Variants in GRM5 observed in about 807,000 individuals in gnomAD.
GRM5 encodes metabotropic glutamate receptor 5.
In GRM5, 19 loss-of-function variants were observed where a neutral mutation model predicts 83.1. The ratio of observed to expected loss-of-function variants is 0.23; its 90% confidence interval spans 0.16 to 0.34. The LOEUF is 0.34. GRM5 is among the 10% of genes least tolerant of loss of function. GRM5 has a pLI of 1.00. For missense variants in GRM5, 1,160 were observed against 1,588.3 expected, an observed-to-expected ratio of 0.73 and a Z score of 4.58; for synonymous variants, 675 against 633.6, an observed-to-expected ratio of 1.07 and a Z score of -0.98.
chr11:88,753,456 A>G (rs1362466762), intron 3 of GRM5, among the ~76,000 whole-genome samples: 1 of 151,850 alleles, frequency 6.6e-6, no homozygotes, highest in African/African-American at 2.4e-5. Flanking sequence ...ATAACAGATG[A>G]TGGCGAGATC....
chr11:88,894,600 G>T (rs1393175577), intron 2 of GRM5, among the ~76,000 whole-genome samples: 9 of 151,814 alleles, frequency 5.9e-5, no homozygotes, highest in Non-Finnish European at 1.0e-4. Context: ...ACTTTTTTCT[G>T]GCTGTGTGCT....
At chr11:88,985,625 T>A (rs2135032402) in intron 2 of GRM5, among the ~76,000 whole-genome samples, 1 of 152,256 alleles carries the variant, frequency 6.6e-6, no homozygotes, top group East Asian at 1.9e-4. Context: ...CATATTAAGT[T>A]TAAATTCAGC....
At chr11:88,982,938 C>T (rs372171008) in intron 2 of GRM5, among the ~76,000 whole-genome samples, 56 of 152,256 alleles carry the variant, frequency 3.7e-4, no homozygotes, top group African/African-American at 8.7e-4. Context: ...TGATGGCACA[C>T]GCCTGTAATC....
At position 88,737,554 on chromosome 11, in the gene GRM5, A is replaced by G. The variant is rs139691468; in HGVS notation, c.912-84151T>C. Among the ~76,000 whole-genome samples, 511 of 152,240 alleles carry G rather than the reference A, an allele frequency of 3.4e-3. 6 individuals are homozygous for G. Among genetic ancestry groups the G allele is most frequent in the African/African-American group, 0.012 (489 of 41,576 alleles). On this transcript the variant is annotated intron_variant, in intron 3 of 9. Transcript: ENST00000305447. ...AATGCTTATGAATGGAACAATAATT[A>G]CTGATTTTTTTGAAGCCCAAGTATA...
chr11:89,055,694 A>C (rs1941859185), intron 1 of GRM5, among the ~76,000 whole-genome samples: 1 of 151,802 alleles, frequency 6.6e-6, no homozygotes, highest in African/African-American at 2.4e-5. Context: ...ATTTAAATAA[A>C]ATTTTAATAT....
At chr11:89,058,606 A>G (rs1020890691) in intron 1 of GRM5, among the ~76,000 whole-genome samples, 1 of 152,192 alleles carries the variant, frequency 6.6e-6, no homozygotes, top group Admixed American at 6.5e-5. Flanking sequence ...AGACGGTTGA[A>G]ATAGGCTTGC....
At chr11:88,924,487 T>A (rs1244374737) in intron 2 of GRM5, among the ~76,000 whole-genome samples, 6 of 152,008 alleles carry the variant, frequency 3.9e-5, no homozygotes, top group Non-Finnish European at 8.8e-5. Flanking sequence ...AAGAAGGCAA[T>A]CCTGCCATTT....
At chr11:88,965,418 T>C (rs1414770977) in intron 2 of GRM5, among the ~76,000 whole-genome samples, 1 of 152,152 alleles carries the variant, frequency 6.6e-6, no homozygotes. Context: ...GCTCATGACC[T>C]AATTTCCTTC....
At chr11:88,845,410 A>G (rs1944282084) in intron 3 of GRM5, among the ~76,000 whole-genome samples, 1 of 147,464 alleles carries the variant, frequency 6.8e-6, no homozygotes, top group African/African-American at 2.6e-5. Flanking sequence ...GCTACAGTAC[A>G]GTATAAACAT....
intron 3 of GRM5, among the ~76,000 whole-genome samples, chr11:88,730,549 C>T (rs559200107): frequency 6.6e-6 from 1 of 152,198 alleles, no homozygotes; most frequent in Non-Finnish European, 1.5e-5. Flanking sequence ...AATCATTCTA[C>T]TGTAAAGACA....
chr11:88,930,525 C>T (rs1277014071), intron 2 of GRM5, among the ~76,000 whole-genome samples: 1 of 152,008 alleles, frequency 6.6e-6, no homozygotes, highest in Non-Finnish European at 1.5e-5. Flanking sequence ...ATATTGCCAA[C>T]TTCTTTGTTT....
At chr11:88,840,856 C>T (rs1241708551) in intron 3 of GRM5, among the ~76,000 whole-genome samples, 5 of 152,114 alleles carry the variant, frequency 3.3e-5, no homozygotes, top group African/African-American at 1.2e-4. Flanking sequence ...AGGCATTGCT[C>T]AATAGCAAAG....
At chr11:88,860,783 T>A (rs911315833) in intron 2 of GRM5, among the ~76,000 whole-genome samples, 3 of 152,164 alleles carry the variant, frequency 2.0e-5, no homozygotes, top group African/African-American at 7.2e-5. Flanking sequence ...AAATGTAGTA[T>A]AATGGCTGCA....
chr11:88,814,363 T>A (rs1370845158), intron 3 of GRM5, among the ~76,000 whole-genome samples: 5 of 152,134 alleles, frequency 3.3e-5, no homozygotes, highest in Non-Finnish European at 7.4e-5. Flanking sequence ...TTTGGGTATT[T>A]AGCAAATAAT....
intron 4 of GRM5, among the ~76,000 whole-genome samples, chr11:88,626,022 A>AT (rs35586049): frequency 4.0e-4 from 60 of 150,408 alleles, no homozygotes; most frequent in Non-Finnish European, 6.7e-4. Flanking sequence ...TGACTAGCTT[A>AT]TTTTTTTTTT....
At chr11:88,986,604 C>A (rs1939719834) in intron 2 of GRM5, among the ~76,000 whole-genome samples, 1 of 148,152 alleles carries the variant, frequency 6.7e-6, no homozygotes, top group Non-Finnish European at 1.5e-5. Flanking sequence ...GTATTAAACC[C>A]TTCCTAGATA....
chr11:88,659,496 C>T (rs1177020341), intron 3 of GRM5, among the ~76,000 whole-genome samples: 1 of 151,940 alleles, frequency 6.6e-6, no homozygotes, highest in Non-Finnish European at 1.5e-5. Context: ...TGTTGGCATT[C>T]AAAAATATGA....
chr11:88,509,356 G>C lies in GRM5; in HGVS notation c.2875C>G (p.Arg959Gly). The change falls in exon 10 of 10, where the codon CGT becomes GGT. Residue 959 changes from arginine to glycine, a missense_variant. Physicochemically the swap from Arg to Gly is moderately radical, Grantham distance 125 (BLOSUM62 -2). Around this residue, in one of 9 missense-constraint regions of GRM5, gnomAD observed 562 missense variants for 532.4 expected, o/e 1.06. Transcript: ENST00000305447. Reference sequence around the variant, plus strand: ...GCGCCAGCGCCAGCGCCCAGGCCACGGCTCTCCGTGCTCTTGGGGAAGGGC... The same window carrying C: ...GCGCCAGCGCCAGCGCCCAGGCCACCGCTCTCCGTGCTCTTGGGGAAGGGC... ...IKPFPKSTES[R>G]GLGAGAGAGG... 1 of 1,610,038 alleles carries C rather than the reference G, an allele frequency of 6.2e-7. No individual in the cohort carries two copies. Among genetic ancestry groups the C allele is most frequent in the Non-Finnish European group, 8.5e-7 (1 of 1,178,950 alleles).
At chr11:88,877,287 C>T (rs11021647) in intron 2 of GRM5, among the ~76,000 whole-genome samples, 2,767 of 152,078 alleles carry the variant, frequency 0.018, 46 homozygotes, top group East Asian at 0.069. Context: ...ATATTTCCAT[C>T]ATTAGACATT....
Sources: gnomAD v4.1 joint callset for allele counts (sites outside exome capture counted in the v4.1 genomes callset) on GRCh38, gnomAD v4.1.1 for gene constraint, gnomAD v4.1.1 regional missense constraint, MANE v1.5 for transcripts, NCBI Gene and HGNC (gene_info 2026-07-23, HGNC 2026-07-21) for gene names.